The following SSBP2 variants were observed in gnomAD, a reference collection of about 807,000 sequenced individuals.
SSBP2 encodes single-stranded DNA-binding protein 2.
In SSBP2, 17 loss-of-function variants were observed where a neutral mutation model predicts 61.8. That is an observed-to-expected ratio of 0.28 (90% CI 0.19 to 0.41). SSBP2 has a LOEUF of 0.41. SSBP2 is among the 10% of genes least tolerant of loss of function. The pLI is 1.00. For missense variants in SSBP2, 310 were observed against 458.7 expected (o/e 0.68, Z 2.96); for synonymous variants, 139 against 141.3 (o/e 0.98, Z 0.12).
chr5:81,555,517 C>T (rs1436440945), intron 4 of SSBP2, among the ~76,000 whole-genome samples: 1 of 152,040 alleles, frequency 6.6e-6, no homozygotes, highest in Non-Finnish European at 1.5e-5. Context: ...TTTCCTTATA[C>T]ATCTTCCAGG....
Position 81,412,927 on chromosome 5 carries a change from T to C in SSBP2, c.*7577A>G, listed in dbSNP as rs916527848. ...GAGCCAGCCATTGATATATGCATTG[T>C]AGCCTCTTCTTCCATGCATATAGAT... is the stretch of plus-strand genomic sequence containing the variant. On this transcript the variant is annotated 3_prime_UTR_variant, in exon 17 of 17. Transcript: ENST00000320672. 1 of 152,226 alleles carries C rather than the reference T, an allele frequency of 6.6e-6. No homozygotes were observed. The highest frequency in any genetic ancestry group is 2.4e-5 in the African/African-American group (1 of 41,464). 9.4% of individuals were successfully genotyped at this position (152,226 alleles called of 1,614,324 possible).
intron 16 of SSBP2, among the ~76,000 whole-genome samples, chr5:81,426,667 T>C (rs1761971429): frequency 6.6e-6 from 1 of 152,212 alleles, no homozygotes; most frequent in East Asian, 1.9e-4. Flanking sequence ...GCTTATTCTG[T>C]GCAAGGAAGT....
At position 81,420,439 on chromosome 5, in the gene SSBP2, T is replaced by C. The variant is rs1213105831; in HGVS notation, c.*65A>G. 1.1e-5 allele frequency: 16 copies of C among 1,471,364 alleles called. No homozygotes were observed. Among genetic ancestry groups the C allele is most frequent in the Non-Finnish European group, 1.5e-5 (16 of 1,050,842 alleles). The allele number at this position is 1,471,364 out of a possible 1,614,324, so 91.1% of individuals were successfully genotyped here. ...AACTGTACACTGTGATGAATAATTTTCTTCCGTAGTAGTTCTGTGAAGGGC... is the reference window on the plus strand; with the variant it reads ...AACTGTACACTGTGATGAATAATTTCCTTCCGTAGTAGTTCTGTGAAGGGC... On this transcript the variant is annotated 3_prime_UTR_variant, in exon 17 of 17. Transcript: ENST00000320672.
chr5:81,676,124 C>A (rs1751960250), intron 1 of SSBP2, among the ~76,000 whole-genome samples: 1 of 152,152 alleles, frequency 6.6e-6, no homozygotes, highest in South Asian at 2.1e-4. Flanking sequence ...TTAATGACAC[C>A]ATAGCCACTC....
chr5:81,444,337 C>G (rs899440740), intron 12 of SSBP2, among the ~76,000 whole-genome samples: 1 of 152,208 alleles, frequency 6.6e-6, no homozygotes, highest in Non-Finnish European at 1.5e-5. Context: ...AACACCTTCT[C>G]AATCTCTATG....
intron 1 of SSBP2, among the ~76,000 whole-genome samples, chr5:81,654,307 TC>T (rs1316436143): frequency 6.6e-6 from 1 of 152,152 alleles, no homozygotes; most frequent in Non-Finnish European, 1.5e-5. Context: ...ATTGACCACG[TC>T]CAAAGTTAAA....
chr5:81,609,240 T>A (rs1392699417), intron 4 of SSBP2, among the ~76,000 whole-genome samples: 1 of 152,194 alleles, frequency 6.6e-6, no homozygotes, highest in Non-Finnish European at 1.5e-5. Context: ...TGATACTGTG[T>A]TTGATTTTTC....
rs146658204 is a variant in SSBP2, at chr5:81,517,741, T to C, written c.283-4024A>G. Among the ~76,000 whole-genome samples the C allele has an allele frequency of 1.7e-3, 258 of 152,196 alleles. 5 individuals are homozygous for C. In the East Asian group the frequency reaches 0.04, roughly 24 times the overall value. On this transcript the variant is annotated intron_variant, in intron 4 of 16. Coordinates refer to ENST00000320672, the MANE Select transcript of SSBP2 (RefSeq NM_012446.5). The stretch of plus-strand genomic sequence containing the variant: ...TGAAATGCTATTATGTGACTGATTT[T>C]TAAAAATATTTTATTCTAATTCCAT...
chr5:81,651,848 C>T (rs779622303), intron 1 of SSBP2, among the ~76,000 whole-genome samples: 3 of 152,134 alleles, frequency 2.0e-5, no homozygotes, highest in Non-Finnish European at 2.9e-5. Flanking sequence ...TCAACTCTAC[C>T]GCATGATTCA....
chr5:81,430,364 C>T (rs1762210235), intron 15 of SSBP2, among the ~76,000 whole-genome samples: 1 of 152,094 alleles, frequency 6.6e-6, no homozygotes, highest in Non-Finnish European at 1.5e-5. Flanking sequence ...CAGTTGGAAG[C>T]TGCATATTTC....
At chr5:81,653,409 T>C (rs944970669) in intron 1 of SSBP2, among the ~76,000 whole-genome samples, 5 of 152,294 alleles carry the variant, frequency 3.3e-5, no homozygotes, top group East Asian at 1.9e-4. Context: ...AATAAACATA[T>C]GTGTGCATGT....
At position 81,650,254 on chromosome 5, in the gene SSBP2, A is replaced by T. The variant is rs771165721; in HGVS notation, c.135+13T>A. On this transcript the variant is annotated intron_variant, in intron 2 of 16. Coordinates refer to ENST00000320672, the MANE Select transcript of SSBP2 (RefSeq NM_012446.5). ...AAGATCAAAATGCAATACAGAAAATATATAAAACATACCTCTGATAAAAAT... is the reference window on the plus strand; with the variant it reads ...AAGATCAAAATGCAATACAGAAAATTTATAAAACATACCTCTGATAAAAAT... 1 of 1,537,540 alleles carries T rather than the reference A, an allele frequency of 6.5e-7. No homozygotes were observed. Among genetic ancestry groups the T allele is most frequent in the South Asian group, 1.2e-5 (1 of 81,814 alleles).
At chr5:81,589,388 T>C (rs1174281250) in intron 4 of SSBP2, among the ~76,000 whole-genome samples, 2 of 152,212 alleles carry the variant, frequency 1.3e-5, no homozygotes, top group Non-Finnish European at 2.9e-5. Context: ...AAAAATTTCT[T>C]TAAATAAATC....
intron 10 of SSBP2, among the ~76,000 whole-genome samples, chr5:81,454,645 C>T (rs1276702964): frequency 6.6e-6 from 1 of 151,670 alleles, no homozygotes; most frequent in East Asian, 1.9e-4. Flanking sequence ...TGTGCCACTG[C>T]ACTCCAGCCT....
At chr5:81,724,525 T>A (rs954282390) in intron 1 of SSBP2, among the ~76,000 whole-genome samples, 1 of 151,992 alleles carries the variant, frequency 6.6e-6, no homozygotes. Flanking sequence ...TGAGAAATAA[T>A]TCGTACATAG....
chr5:81,501,311 A>G (rs1190254825), intron 5 of SSBP2, among the ~76,000 whole-genome samples: 1 of 135,766 alleles, frequency 7.4e-6, no homozygotes, highest in Non-Finnish European at 1.6e-5. Context: ...ACATGCATAC[A>G]TTTTGAAATA....
intron 1 of SSBP2, among the ~76,000 whole-genome samples, chr5:81,697,253 A>T (rs1188816521): frequency 6.6e-6 from 1 of 152,248 alleles, no homozygotes; most frequent in African/African-American, 2.4e-5. Context: ...CGACTTAACC[A>T]GCCAGAAAAA....
intron 5 of SSBP2, among the ~76,000 whole-genome samples, chr5:81,510,692 C>T (rs566473613): frequency 3.3e-5 from 5 of 151,582 alleles, no homozygotes; most frequent in South Asian, 2.1e-4. Flanking sequence ...ACCCAGAAGG[C>T]GGAGGTTGCG....
At chr5:81,484,230 T>C (rs1407104013) in intron 6 of SSBP2, among the ~76,000 whole-genome samples, 1 of 152,178 alleles carries the variant, frequency 6.6e-6, no homozygotes, top group Non-Finnish European at 1.5e-5. Flanking sequence ...AAATGGTATA[T>C]CTATGACAAA....
Sources: gnomAD v4.1 joint callset for allele counts (sites outside exome capture counted in the v4.1 genomes callset) on GRCh38, gnomAD v4.1.1 for gene constraint, MANE v1.5 for transcripts, NCBI Gene and HGNC (gene_info 2026-07-23, HGNC 2026-07-21) for gene names.